Variants in CDH18 observed in about 807,000 individuals in gnomAD.
The protein encoded by CDH18 is cadherin 18.
A neutral mutation model predicts 67.9 loss-of-function variants in CDH18; 31 were observed. That is an observed-to-expected ratio of 0.46 (90% CI 0.34 to 0.62). CDH18 has a LOEUF of 0.62. CDH18 is among the 20% of genes least tolerant of loss of function. CDH18 has a pLI of 0.01. For missense variants in CDH18, 890 were observed against 975.5 expected, an observed-to-expected ratio of 0.91 and a Z score of 1.17; for synonymous variants, 362 against 347.2, an observed-to-expected ratio of 1.04 and a Z score of -0.48.
chr5:19,820,828 T>C (rs1779794745), intron 3 of CDH18, among the ~76,000 whole-genome samples: 2 of 152,118 alleles, frequency 1.3e-5, no homozygotes, highest in South Asian at 4.1e-4. Flanking sequence ...CAGCTACAAC[T>C]AAGGAACCCA....
At chr5:19,955,720 C>G (rs1469600388) in intron 2 of CDH18, among the ~76,000 whole-genome samples, 1 of 151,782 alleles carries the variant, frequency 6.6e-6, no homozygotes. Context: ...AAATAGAGTA[C>G]AATGTGAGAA....
intron 2 of CDH18, among the ~76,000 whole-genome samples, chr5:19,843,035 CT>C (rs756768171): frequency 1.5e-4 from 23 of 152,112 alleles, no homozygotes; most frequent in Non-Finnish European, 2.8e-4. Flanking sequence ...AATTTTCAGC[CT>C]GATCGTGTGA....
At chr5:20,267,255 C>A (rs1745111266) in intron 1 of CDH18, among the ~76,000 whole-genome samples, 2 of 152,088 alleles carry the variant, frequency 1.3e-5, no homozygotes, top group Non-Finnish European at 2.9e-5. Context: ...ATATGTGGCT[C>A]CATTTCTGGA....
intron 2 of CDH18, among the ~76,000 whole-genome samples, chr5:20,039,957 G>A (rs1205865466): frequency 6.6e-6 from 1 of 152,046 alleles, no homozygotes; most frequent in Non-Finnish European, 1.5e-5. Flanking sequence ...ATCTGACAAA[G>A]GGCTAATATT....
At chr5:20,452,986 C>A (rs1179773477) in intron 1 of CDH18, among the ~76,000 whole-genome samples, 3 of 152,124 alleles carry the variant, frequency 2.0e-5, no homozygotes, top group African/African-American at 7.2e-5. Context: ...AAGACCAAGT[C>A]ATTATAATAC....
At chr5:20,357,098 T>C (rs564392098) in intron 1 of CDH18, among the ~76,000 whole-genome samples, 1 of 151,870 alleles carries the variant, frequency 6.6e-6, no homozygotes, top group Admixed American at 6.6e-5. Flanking sequence ...ACTACAAATA[T>C]TTACCTGACA....
chr5:20,432,557 A>T (rs1748829434), intron 1 of CDH18, among the ~76,000 whole-genome samples: 2 of 152,098 alleles, frequency 1.3e-5, no homozygotes, highest in Non-Finnish European at 2.9e-5. Context: ...TACTTCCAAA[A>T]GTAATTTGGA....
intron 2 of CDH18, among the ~76,000 whole-genome samples, chr5:19,851,019 A>G (rs536360410): frequency 3.3e-5 from 5 of 152,016 alleles, no homozygotes; most frequent in South Asian, 4.1e-4. Context: ...GGATATTCCA[A>G]TGAATTTTTA....
At chr5:20,031,368 A>G in intron 2 of CDH18, among the ~76,000 whole-genome samples, 1 of 152,112 alleles carries the variant, frequency 6.6e-6, no homozygotes, top group Non-Finnish European at 1.5e-5. Flanking sequence ...CAGTGTCACC[A>G]CAGAGTCCTG....
chr5:19,565,780 T>C (rs923446517), intron 8 of CDH18, among the ~76,000 whole-genome samples: 1 of 152,180 alleles, frequency 6.6e-6, no homozygotes, highest in African/African-American at 2.4e-5. Context: ...GAGAGTACGT[T>C]GGGAAAACTC....
chr5:19,940,318 C>T (rs1047089431), intron 2 of CDH18, among the ~76,000 whole-genome samples: 2 of 151,330 alleles, frequency 1.3e-5, no homozygotes, highest in Non-Finnish European at 3.0e-5. Context: ...TACATGTGAC[C>T]CTATCTCCTC....
intron 2 of CDH18, among the ~76,000 whole-genome samples, chr5:20,077,150 T>C (rs748522959): frequency 5.3e-5 from 8 of 152,212 alleles, no homozygotes; most frequent in Non-Finnish European, 1.0e-4. Context: ...GAGAAAAGCA[T>C]GCATCTGCTG....
intron 8 of CDH18, among the ~76,000 whole-genome samples, chr5:19,549,811 A>C (rs1737065814): frequency 6.6e-6 from 1 of 150,592 alleles, no homozygotes; most frequent in Non-Finnish European, 1.5e-5. Context: ...AAAAAGAAAG[A>C]AAAAGAAAGG....
intron 5 of CDH18, among the ~76,000 whole-genome samples, chr5:19,688,097 T>C (rs528318266): frequency 3.3e-5 from 5 of 152,272 alleles, no homozygotes; most frequent in Non-Finnish European, 7.4e-5. Flanking sequence ...AGCATGCTGC[T>C]TAGGAGCCTA....
chr5:19,501,235 TTA>T (rs971090489), intron 11 of CDH18, among the ~76,000 whole-genome samples: 23 of 143,390 alleles, frequency 1.6e-4, no homozygotes, highest in South Asian at 8.3e-4. Flanking sequence ...ATAATTACAA[TTA>T]TATATATATA....
intron 2 of CDH18, among the ~76,000 whole-genome samples, chr5:20,119,864 A>G (rs552395548): frequency 7.5e-4 from 114 of 152,188 alleles, no homozygotes; most frequent in African/African-American, 2.6e-3. Context: ...AACAGCATCT[A>G]ATTGTAGTTA....
chr5:20,276,481 C>A (rs941628710), intron 1 of CDH18, among the ~76,000 whole-genome samples: 1 of 152,120 alleles, frequency 6.6e-6, no homozygotes, highest in African/African-American at 2.4e-5. Context: ...CAAATTCTGG[C>A]AGGATTCATC....
chr5:20,197,974 T>C (rs1481009184), intron 2 of CDH18, among the ~76,000 whole-genome samples: 1 of 152,128 alleles, frequency 6.6e-6, no homozygotes, highest in Non-Finnish European at 1.5e-5. Context: ...TCATGAGATC[T>C]AATGGTTTTA....
intron 2 of CDH18, among the ~76,000 whole-genome samples, chr5:20,176,879 A>T (rs1737276403): frequency 6.6e-6 from 1 of 152,088 alleles, no homozygotes; most frequent in Non-Finnish European, 1.5e-5. Flanking sequence ...TCAGCCTAGG[A>T]GGTGCTTGTA....
Sources: gnomAD v4.1 joint callset for allele counts (sites outside exome capture counted in the v4.1 genomes callset) on GRCh38, gnomAD v4.1.1 for gene constraint, MANE v1.5 for transcripts, NCBI Gene and HGNC (gene_info 2026-07-23, HGNC 2026-07-21) for gene names.